Variants in CHN1 observed in about 807,000 individuals in gnomAD.
The protein encoded by CHN1 is chimerin 1, also known as N-chimaerin.
Under a neutral mutation model 59.5 loss-of-function variants are expected in CHN1, and 37 were observed. The ratio of observed to expected loss-of-function variants is 0.62; its 90% CI spans 0.48 to 0.82. The LOEUF is 0.82. Ranked by LOEUF, CHN1 falls within the 40% of genes least tolerant of loss-of-function variation. The probability of loss-of-function intolerance (pLI) is 0.00; values close to 1 mark genes in which losing one functional copy is unlikely to be tolerated. For synonymous variants in CHN1, 206 were observed against 200.4 expected, an observed-to-expected ratio of 1.03 and a Z score of -0.24; for missense variants, 469 against 571.0, an observed-to-expected ratio of 0.82 and a Z score of 1.82.
chr2:174,852,650 TGGAG>T (rs1327534947), intron 6 of CHN1, among the ~76,000 whole-genome samples: 1 of 152,134 alleles, frequency 6.6e-6, no homozygotes, highest in Non-Finnish European at 1.5e-5. Flanking sequence ...AGAACAAAGC[TGGAG>T]GTATCACACT....
chr2:174,966,009 G>A (rs939172629), intron 1 of CHN1, among the ~76,000 whole-genome samples: 9 of 152,094 alleles, frequency 5.9e-5, no homozygotes, highest in African/African-American at 9.7e-5. Context: ...TAACATACAC[G>A]ATTCTAAACT....
intron 6 of CHN1, among the ~76,000 whole-genome samples, chr2:174,866,761 A>T (rs1687229082): frequency 6.6e-6 from 1 of 152,248 alleles, no homozygotes; most frequent in African/African-American, 2.4e-5. Context: ...CTATGATTAC[A>T]TATGAAGCTA....
chr2:174,990,413 G>A (rs545907365), intron 1 of CHN1, among the ~76,000 whole-genome samples: 1 of 152,020 alleles, frequency 6.6e-6, no homozygotes, highest in Admixed American at 6.5e-5. Flanking sequence ...TCTGTCTGGA[G>A]AGACCTAGGA....
At chr2:174,915,734 T>C (rs1315972804) in intron 4 of CHN1, among the ~76,000 whole-genome samples, 2 of 152,158 alleles carry the variant, frequency 1.3e-5, no homozygotes, top group Non-Finnish European at 2.9e-5. Flanking sequence ...TAAAACCTTA[T>C]CTTTGATTAA....
intron 3 of CHN1, among the ~76,000 whole-genome samples, chr2:174,926,277 T>C (rs573346698): frequency 3.2e-4 from 49 of 151,986 alleles, no homozygotes; most frequent in African/African-American, 8.7e-4. Context: ...TCACAGCTCA[T>C]TGCAACCTTA....
rs369035640 is a variant in CHN1 at position 174,841,603 on chromosome 2, A to AGT, written c.627+5275_627+5276dup. Among the ~76,000 whole-genome samples, 6 of 151,960 alleles carry AGT rather than the reference A, an allele frequency of 3.9e-5. No homozygotes were observed. In the East Asian group the frequency reaches 7.7e-4, roughly 20 times the overall value. ...GGCCCACATTGAGAACTGGGGAAAG[A>AGT]GTGTGTGTGTGTGCATGTGTACAAC... On this transcript the variant is annotated intron_variant, in intron 7 of 12. Coordinates refer to ENST00000409900, the MANE Select transcript of CHN1 (RefSeq NM_001822.7).
intron 1 of CHN1, among the ~76,000 whole-genome samples, chr2:174,961,249 G>C (rs986524889): frequency 6.7e-6 from 1 of 148,732 alleles, no homozygotes; most frequent in African/African-American, 2.5e-5. Flanking sequence ...AAGGCAGGCA[G>C]GCAGGCAGAA....
intron 5 of CHN1, among the ~76,000 whole-genome samples, chr2:174,894,834 T>C (rs532993216): frequency 6.6e-6 from 1 of 152,238 alleles, no homozygotes; most frequent in African/African-American, 2.4e-5. Flanking sequence ...TCTGAAAATA[T>C]TAAATGGAAA....
At chr2:174,884,385 G>GT (rs1259133186) in intron 5 of CHN1, among the ~76,000 whole-genome samples, 6 of 151,512 alleles carry the variant, frequency 4.0e-5, no homozygotes, top group Non-Finnish European at 8.9e-5. Flanking sequence ...CACAATGGAT[G>GT]AAAACAGACC....
Position 174,918,565 on chromosome 2 carries a change from C to T in CHN1, c.115G>A (p.Val39Met). Residue 39 changes from valine (V) to methionine (M), a missense_variant and splice_region_variant, in exon 4 of 13, where the codon GTG becomes ATG. This residue lies in a region of CHN1 where 152 missense variants were observed against 166.1 expected (regional missense o/e 0.92). Transcript: ENST00000409900. ...CCATAATACTTTGGTCTGTTTTCCA[C>T]CTATTGGGAAAGCAAAAAAACAGGC... ...HPRRITCTCEVENRPKYYGRE... is the reference protein window; with the variant it reads ...HPRRITCTCEMENRPKYYGRE... 3 of 1,590,194 alleles carry T rather than the reference C, an allele frequency of 1.9e-6. No homozygotes were observed. Among genetic ancestry groups the T allele is most frequent in the Non-Finnish European group, 2.6e-6 (3 of 1,167,388 alleles).
chr2:174,935,167 T>C (rs1689460170), intron 3 of CHN1, among the ~76,000 whole-genome samples: 1 of 152,260 alleles, frequency 6.6e-6, no homozygotes, highest in Non-Finnish European at 1.5e-5. Context: ...CCAGAGGAGC[T>C]GCATACATAT....
intron 5 of CHN1, among the ~76,000 whole-genome samples, chr2:174,901,008 T>C (rs1467990656): frequency 6.6e-6 from 1 of 152,162 alleles, no homozygotes; most frequent in Non-Finnish European, 1.5e-5. Flanking sequence ...GCATAAATAC[T>C]ATACACAAAA....
chr2:174,821,843 C>G, intron 8 of CHN1: 1 of 361,878 alleles, frequency 2.8e-6, no homozygotes, highest in East Asian at 9.5e-5. Context: ...TCATAGCAAC[C>G]CAAAACTCCC....
rs564374734 is a variant in CHN1, at chr2:174,918,979, A to G, written c.115-414T>C. Among the ~76,000 whole-genome samples, 5 of 151,980 alleles carry G rather than the reference A, an allele frequency of 3.3e-5. No homozygotes were observed. In the South Asian group the frequency reaches 1.0e-3, roughly 32 times the overall value. ...CTCTCCATTCAGTTAGCATTTCCAT[A>G]TACTCTTACCCTTCTGTTGTCCCAT... On this transcript the variant is annotated intron_variant, in intron 3 of 12. Coordinates refer to ENST00000409900, the MANE Select transcript of CHN1 (RefSeq NM_001822.7).
At chr2:174,823,780 C>T (rs1685587170) in intron 8 of CHN1, among the ~76,000 whole-genome samples, 1 of 152,134 alleles carries the variant, frequency 6.6e-6, no homozygotes, top group South Asian at 2.1e-4. Flanking sequence ...CAAAGTATCT[C>T]AAATACATCC....
intron 5 of CHN1, among the ~76,000 whole-genome samples, chr2:174,909,948 A>C (rs1688643947): frequency 6.6e-6 from 1 of 152,258 alleles, no homozygotes; most frequent in Non-Finnish European, 1.5e-5. Context: ...TGAAAAGGTT[A>C]AATATACAAA....
intron 7 of CHN1, among the ~76,000 whole-genome samples, chr2:174,828,360 T>C (rs1395793162): frequency 1.3e-5 from 2 of 152,186 alleles, no homozygotes; most frequent in Non-Finnish European, 2.9e-5. Context: ...TGATGAATAT[T>C]TTCTTTTTAC....
At chr2:174,815,841 G>C (rs1481190538) in intron 8 of CHN1, among the ~76,000 whole-genome samples, 1 of 152,100 alleles carries the variant, frequency 6.6e-6, no homozygotes, top group Non-Finnish European at 1.5e-5. Context: ...CTTTAAAATT[G>C]TAACCTGTAG....
At chr2:174,963,511 G>A (rs1690487852) in intron 1 of CHN1, among the ~76,000 whole-genome samples, 1 of 152,124 alleles carries the variant, frequency 6.6e-6, no homozygotes, top group Admixed American at 6.6e-5. Context: ...TGAAAAAGAG[G>A]GCAGAAACAA....
Sources: allele counts gnomAD v4.1 joint callset (sites outside exome capture counted in the v4.1 genomes callset), GRCh38; gene constraint gnomAD v4.1.1; regional missense constraint gnomAD v4.1.1; transcripts MANE v1.5; gene names NCBI Gene and HGNC (gene_info 2026-07-23, HGNC 2026-07-21).